HGF: variants seen among roughly 807,000 people sequenced by gnomAD.
HGF encodes hepatocyte growth factor.
Under a neutral mutation model 111.6 loss-of-function variants are expected in HGF, and 39 were observed. That is an observed-to-expected ratio of 0.35 (90% CI 0.27 to 0.46). The LOEUF (loss-of-function observed/expected upper bound fraction) is 0.46. Ranked by LOEUF, HGF falls within the 20% of genes least tolerant of loss-of-function variation. The probability of loss-of-function intolerance (pLI) is 1.00; values close to 1 mark genes in which losing one functional copy is unlikely to be tolerated. For missense variants in HGF, 735 were observed against 910.5 expected (o/e 0.81, Z 2.48); for synonymous variants, 285 against 294.8 (o/e 0.97, Z 0.34).
intron 4 of HGF, among the ~76,000 whole-genome samples, chr7:81,754,895 T>C (rs1788686286): frequency 6.6e-6 from 1 of 152,128 alleles, no homozygotes; most frequent in Non-Finnish European, 1.5e-5. Context: ...GATTCTGTAA[T>C]AAGCATTTAT....
intron 4 of HGF, among the ~76,000 whole-genome samples, chr7:81,754,420 T>G (rs1788659753): frequency 6.6e-6 from 1 of 151,942 alleles, no homozygotes; most frequent in Non-Finnish European, 1.5e-5. Flanking sequence ...TTCCAGTGGA[T>G]TTGTAAAGCC....
intron 11 of HGF, among the ~76,000 whole-genome samples, chr7:81,714,621 A>T (rs1025333569): frequency 1.3e-5 from 2 of 152,118 alleles, no homozygotes; most frequent in African/African-American, 2.4e-5. Context: ...GTGTATACTC[A>T]ATCATATAGG....
rs368271908 is a variant in HGF at position 81,736,894 on chromosome 7, GGTGTGTGT to G, written c.865+6451_865+6458del. 6.2e-4 allele frequency among the ~76,000 whole-genome samples: 88 copies of G among 142,052 alleles called. No individual in the cohort carries two copies. The East Asian group carries it at 0.018, about 28-fold the overall frequency. The allele number at this position is 142,052 out of a possible 152,430, so 93.2% of individuals were successfully genotyped here. On this transcript the variant is annotated intron_variant, in intron 7 of 17. Coordinates refer to ENST00000222390, the MANE Select transcript of HGF (RefSeq NM_000601.6). Reference sequence around the variant, plus strand: ...AGGGTTTTTAATTTATGTGTAGAGGGGTGTGTGTGTGTGTGTGTGTGTGTGTGTGTGTG... The same window carrying G: ...AGGGTTTTTAATTTATGTGTAGAGGGGTGTGTGTGTGTGTGTGTGTGTGTG...
intron 7 of HGF, among the ~76,000 whole-genome samples, chr7:81,738,352 A>G (rs1404431200): frequency 6.6e-6 from 1 of 152,180 alleles, no homozygotes; most frequent in Non-Finnish European, 1.5e-5. Context: ...ACATAAAAAA[A>G]TCAGTACTTC....
chr7:81,733,597 G>T (rs1011772768), intron 7 of HGF, among the ~76,000 whole-genome samples: 2 of 152,010 alleles, frequency 1.3e-5, no homozygotes, highest in African/African-American at 4.8e-5. Context: ...ACATTCAACT[G>T]CTAGAAGTCA....
intron 14 of HGF, among the ~76,000 whole-genome samples, chr7:81,706,974 G>GAA (rs59586842): frequency 2.8e-4 from 42 of 147,450 alleles, no homozygotes; most frequent in African/African-American, 9.1e-4. Flanking sequence ...TGACAATTTA[G>GAA]AAAAAAAAAA....
chr7:81,725,974 A>C lies in HGF; in HGVS notation c.1084T>G (p.Ser362Ala). Residue 362 changes from serine (S) to alanine (A), a missense_variant, in exon 9 of 18, where the codon TCA becomes GCA. This residue lies in a region of HGF where 553 missense variants were observed against 685.6 expected (regional missense o/e 0.81). Coordinates refer to ENST00000222390, the MANE Select transcript of HGF (RefSeq NM_000601.6). ...NYCRNPDGSESPWCFTTDPNI... is the reference protein window; with the variant it reads ...NYCRNPDGSEAPWCFTTDPNI... ...GGATCAGTGGTAAAACACCAGGGTG[A>C]TTCAGACCCATCTGGATTTCGGCAG... The C allele has an allele frequency of 6.2e-7, 1 of 1,613,860 alleles. No individual in the cohort carries two copies. The highest frequency in any genetic ancestry group is 8.5e-7 in the Non-Finnish European group (1 of 1,179,754).
rs1789277170 is a variant in HGF at position 81,701,458 on chromosome 7, T to A, written c.*1123A>T. The A allele has an allele frequency of 6.6e-6, 1 of 151,532 alleles. No individual in the cohort carries two copies. The highest frequency in any genetic ancestry group is 2.4e-5 in the African/African-American group (1 of 41,390). 9.4% of individuals were successfully genotyped at this position (151,532 alleles called of 1,614,324 possible). A position where few individuals can be genotyped will look rare whatever the true frequency, so the allele number is the denominator to read the frequency against. On this transcript the variant is annotated 3_prime_UTR_variant, in exon 18 of 18. Transcript: ENST00000222390. ...CTTGATGAAGGGTATTTATAAAACTTTGGAGACTTGGAAATTTTCCTCTTA... is the reference window on the plus strand; with the variant it reads ...CTTGATGAAGGGTATTTATAAAACTATGGAGACTTGGAAATTTTCCTCTTA...
At chr7:81,746,424 A>G (rs1788257258) in intron 5 of HGF, among the ~76,000 whole-genome samples, 1 of 152,180 alleles carries the variant, frequency 6.6e-6, no homozygotes, top group Non-Finnish European at 1.5e-5. Context: ...AGGTGATGCA[A>G]TGTTACATTT....
chr7:81,724,361 G>C (rs1440236032), intron 9 of HGF, among the ~76,000 whole-genome samples: 1 of 152,120 alleles, frequency 6.6e-6, no homozygotes. Context: ...AGTATGCCTA[G>C]GGCAGTAGGT....
intron 14 of HGF, among the ~76,000 whole-genome samples, chr7:81,706,843 G>T (rs1340103529): frequency 1.3e-5 from 2 of 151,990 alleles, no homozygotes; most frequent in Non-Finnish European, 2.9e-5. Flanking sequence ...CAGGAAGGAA[G>T]TTTACAAATG....
chr7:81,721,835 G>A (rs990749760), intron 9 of HGF, among the ~76,000 whole-genome samples: 1 of 152,088 alleles, frequency 6.6e-6, no homozygotes, highest in African/African-American at 2.4e-5. Flanking sequence ...AATCGGTTGG[G>A]GCCTTTGAGT....
At chr7:81,705,849 A>G (rs1224133410) in intron 15 of HGF, 96 bp from the exon 16 acceptor site, 13 of 756,434 alleles carry the variant, frequency 1.7e-5, no homozygotes, top group Non-Finnish European at 3.0e-5. Flanking sequence ...TGGCATTTAC[A>G]GAGAATGAAG....
In HGF at chr7:81,742,153, T is replaced by C. The variant is rs375801656; in HGVS notation, c.865+1200A>G. 6.6e-5 allele frequency among the ~76,000 whole-genome samples: 10 copies of C among 152,268 alleles called. No homozygotes were observed. In the East Asian group the frequency reaches 1.2e-3, roughly 18 times the overall value. On this transcript the variant is annotated intron_variant, in intron 7 of 17. Transcript: ENST00000222390. ...TTATTTTAAAGGACAAAACACATGA[T>C]TCAATTTCCTTGGAACACAGTGTTT...
At chr7:81,731,380 G>T (rs1787650661) in intron 7 of HGF, among the ~76,000 whole-genome samples, 1 of 152,104 alleles carries the variant, frequency 6.6e-6, no homozygotes, top group African/African-American at 2.4e-5. Flanking sequence ...GATGAAAAAT[G>T]TTCAGTAATT....
chr7:81,736,202 C>T (rs1787819491), intron 7 of HGF, among the ~76,000 whole-genome samples: 1 of 152,026 alleles, frequency 6.6e-6, no homozygotes, highest in African/African-American at 2.4e-5. Flanking sequence ...TGTGGTCAAC[C>T]GTCATCCAAA....
chr7:81,720,717 A>G (rs933804543), intron 10 of HGF, 28 bp downstream of exon 10: 29 of 1,236,004 alleles, frequency 2.3e-5, no homozygotes, highest in African/African-American at 3.0e-5. Flanking sequence ...ACTACATTCT[A>G]TATATTGAAA....
At position 81,752,134 on chromosome 7, in the gene HGF, G is replaced by C. The variant is rs1562900491; in HGVS notation, c.611C>G (p.Pro204Arg). Residue 204 changes from proline to arginine, a missense_variant, in exon 5 of 18, where the codon CCT becomes CGT. By Grantham distance (103) the Pro-to-Arg change is moderately radical (BLOSUM62 -2). Coordinates refer to ENST00000222390, the MANE Select transcript of HGF (RefSeq NM_000601.6). ...PEVRYEVCDIPQCSEVECMTC... is the reference protein window; with the variant it reads ...PEVRYEVCDIRQCSEVECMTC... The stretch of plus-strand genomic sequence containing the variant: ...GGTTTATTTACCTTCTGAACACTGA[G>C]GAATGTCACAGACTTCGTAGCGTAC... 1 of 1,613,558 alleles carries C rather than the reference G, an allele frequency of 6.2e-7. No individual in the cohort carries two copies. The highest frequency in any genetic ancestry group is 8.5e-7 in the Non-Finnish European group (1 of 1,179,566).
intron 5 of HGF, among the ~76,000 whole-genome samples, chr7:81,746,632 A>G (rs1174227008): frequency 2.0e-5 from 3 of 152,170 alleles, no homozygotes; most frequent in African/African-American, 7.2e-5. Context: ...CTACTCTTGT[A>G]TAGTACTCAG....
Sources: gnomAD v4.1 joint callset for allele counts (sites outside exome capture counted in the v4.1 genomes callset) on GRCh38, gnomAD v4.1.1 for gene constraint, gnomAD v4.1.1 regional missense constraint, MANE v1.5 for transcripts, NCBI Gene and HGNC (gene_info 2026-07-23, HGNC 2026-07-21) for gene names.